The following SLC12A2 variants were observed in gnomAD, a reference collection of about 807,000 sequenced individuals.
SLC12A2 encodes Na-K-2Cl cotransporter 1.
A neutral mutation model predicts 136.3 loss-of-function variants in SLC12A2; 67 were observed. The observed-to-expected ratio is 0.49, with a 90% CI of 0.40 to 0.60. The LOEUF is 0.60. Ranked by LOEUF, SLC12A2 falls within the 20% of genes least tolerant of loss-of-function variation. The probability of loss-of-function intolerance (pLI) is 0.00; values close to 1 mark genes in which losing one functional copy is unlikely to be tolerated. For missense variants in SLC12A2, 1,322 were observed against 1,534.7 expected (o/e 0.86, Z 2.32); for synonymous variants, 619 against 562.9 (o/e 1.10, Z -1.41).
At position 128,114,549 on chromosome 5, in the gene SLC12A2, G is replaced by C. The variant is rs573026275; in HGVS notation, c.953-37G>C. On this transcript the variant is annotated intron_variant, in intron 3 of 26. Transcript: ENST00000262461. ...TAGATACCGATGAGCTTAAACAAGAGTGTAAGTATTCTCATTGTCTTTCTT... is the reference window on the plus strand; with the variant it reads ...TAGATACCGATGAGCTTAAACAAGACTGTAAGTATTCTCATTGTCTTTCTT... 65 of 1,362,334 alleles carry C rather than the reference G, an allele frequency of 4.8e-5. 1 individual carries two copies. In the South Asian group the frequency reaches 6.8e-4, roughly 14 times the overall value. 84.4% of individuals were successfully genotyped at this position (1,362,334 alleles called of 1,614,324 possible).
chr5:128,149,446 G>A (rs1411260757), intron 12 of SLC12A2, among the ~76,000 whole-genome samples: 1 of 151,454 alleles, frequency 6.6e-6, no homozygotes, highest in Non-Finnish European at 1.5e-5. Flanking sequence ...TTCCTTCTAG[G>A]TATGTACCCT....
At chr5:128,183,760 T>A (rs1763782344) in intron 24 of SLC12A2, among the ~76,000 whole-genome samples, 1 of 152,076 alleles carries the variant, frequency 6.6e-6, no homozygotes. Context: ...TTGGGTGTTT[T>A]GAGCAGAGTA....
At position 128,114,297 on chromosome 5, in the gene SLC12A2, G is replaced by A. The variant is rs1761265907; in HGVS notation, c.952+10G>A. Reference sequence around the variant, plus strand: ...GGTCAAGCTGGAATAGGTAAGTGAAGTTATATCCTGCTTGATTTGAGAATA... The same window carrying A: ...GGTCAAGCTGGAATAGGTAAGTGAAATTATATCCTGCTTGATTTGAGAATA... On this transcript the variant is annotated intron_variant, in intron 3 of 26. Transcript: ENST00000262461. The A allele has an allele frequency of 6.3e-6, 10 of 1,599,056 alleles. No homozygotes were observed. Among genetic ancestry groups the A allele is most frequent in the Non-Finnish European group, 7.7e-6 (9 of 1,167,188 alleles).
At chr5:128,113,063 G>A in intron 2 of SLC12A2, 130 bp downstream of exon 2, 1 of 681,744 alleles carries the variant, frequency 1.5e-6, no homozygotes, top group Non-Finnish European at 2.2e-6. Flanking sequence ...GAGTGCTGTG[G>A]AAAACCAAAT....
At chr5:128,142,958 G>A (rs926429167) in intron 10 of SLC12A2, among the ~76,000 whole-genome samples, 1 of 151,958 alleles carries the variant, frequency 6.6e-6, no homozygotes, top group East Asian at 1.9e-4. Context: ...TGAGATTTTG[G>A]TGCCCCTATC....
chr5:128,126,204 A>G (rs1761788590), intron 4 of SLC12A2, among the ~76,000 whole-genome samples: 1 of 152,210 alleles, frequency 6.6e-6, no homozygotes, highest in Non-Finnish European at 1.5e-5. Context: ...CTAAATATAT[A>G]AGGAGCTCAA....
chr5:128,160,548 C>G (rs1259718151), intron 16 of SLC12A2, among the ~76,000 whole-genome samples: 1 of 152,118 alleles, frequency 6.6e-6, no homozygotes, highest in African/African-American at 2.4e-5. Flanking sequence ...TTTCTAAGTT[C>G]AAACACTTAG....
In SLC12A2 at chr5:128,149,986, T is replaced by G. The variant is rs111510697; in HGVS notation, c.2006-11T>G. On this transcript the variant is annotated splice_polypyrimidine_tract_variant and intron_variant, in intron 12 of 26. Transcript: ENST00000262461. ...ATACGTCAGTAAATCTCGCATGTGTTTGTTCTGCAGCTGAACTGAATGTTA... is the reference window on the plus strand; with the variant it reads ...ATACGTCAGTAAATCTCGCATGTGTGTGTTCTGCAGCTGAACTGAATGTTA... 1.9e-6 allele frequency: 3 copies of G among 1,580,770 alleles called. No individual in the cohort carries two copies. Among genetic ancestry groups the G allele is most frequent in the East Asian group, 2.2e-5 (1 of 44,622 alleles).
intron 12 of SLC12A2, 28 bp from the exon 13 acceptor site, chr5:128,149,969 G>A (rs767451875): frequency 3.4e-6 from 5 of 1,458,136 alleles, no homozygotes; most frequent in East Asian, 2.3e-5. Flanking sequence ...TAATACGTCA[G>A]TAAATCTCGC....
chr5:128,182,399 G>T (rs1341934657), intron 23 of SLC12A2, among the ~76,000 whole-genome samples: 8 of 152,048 alleles, frequency 5.3e-5, no homozygotes, highest in African/African-American at 1.9e-4. Context: ...AAAATGCTAT[G>T]AACTTAATCT....
At chr5:128,180,328 T>TG (rs1240159561) in intron 22 of SLC12A2, among the ~76,000 whole-genome samples, 1 of 152,080 alleles carries the variant, frequency 6.6e-6, no homozygotes, top group Non-Finnish European at 1.5e-5. Context: ...TTTATTGTTT[T>TG]GCACTTTCCC....
chr5:128,122,637 T>C (rs980929526), intron 4 of SLC12A2, among the ~76,000 whole-genome samples: 3 of 152,174 alleles, frequency 2.0e-5, no homozygotes, highest in Non-Finnish European at 4.4e-5. Flanking sequence ...TCTGAAATAA[T>C]TGAGTACCTC....
rs539590959 is a variant in SLC12A2 at position 128,101,933 on chromosome 5, T to G, written c.757-10881T>G. The stretch of plus-strand genomic sequence containing the variant: ...GTGATTTCATATTTGTATGCAAAAG[T>G]CCTTTTTTTTAAAGTCTTTTAGAGG... On this transcript the variant is annotated intron_variant, in intron 1 of 26. Coordinates refer to ENST00000262461, the MANE Select transcript of SLC12A2 (RefSeq NM_001046.3). Among the ~76,000 whole-genome samples the G allele has an allele frequency of 9.2e-5, 14 of 152,332 alleles. No homozygotes were observed. The East Asian group carries it at 2.5e-3, about 27-fold the overall frequency.
rs112766239 is a variant in SLC12A2, at chr5:128,141,816, C to T, written c.1622-14C>T. 10 of 1,606,426 alleles carry T rather than the reference C, an allele frequency of 6.2e-6. No homozygotes were observed. The highest frequency in any genetic ancestry group is 5.4e-5 in the African/African-American group (4 of 74,732). On this transcript the variant is annotated splice_polypyrimidine_tract_variant and intron_variant, in intron 9 of 26. Coordinates refer to ENST00000262461, the MANE Select transcript of SLC12A2 (RefSeq NM_001046.3). ...ATATTAACTATATTATTCTTGTTGT[C>T]ACTTGTGCTTTAGGTTCTTGTGTTG...
intron 24 of SLC12A2, among the ~76,000 whole-genome samples, 182 bp downstream of exon 24, chr5:128,183,123 T>G (rs1158246050): frequency 6.6e-6 from 1 of 152,082 alleles, no homozygotes; most frequent in African/African-American, 2.4e-5. Flanking sequence ...CTAAAGAGTT[T>G]TCAATATTCA....
chr5:128,162,140 A>C (rs943987341), intron 17 of SLC12A2, among the ~76,000 whole-genome samples: 16 of 152,320 alleles, frequency 1.1e-4, no homozygotes, highest in African/African-American at 3.6e-4. Flanking sequence ...TGTGTTTCTT[A>C]GAACTTGATA....
Position 128,126,966 on chromosome 5 carries a change from A to ATATATATATATATAATTTT in SLC12A2, c.1049-4100_1049-4099insATATATATATATAATTTTT. Among the ~76,000 whole-genome samples, 12 of 21,160 alleles carry ATATATATATATATAATTTT rather than the reference A, an allele frequency of 5.7e-4. 2 individuals are homozygous for ATATATATATATATAATTTT. The highest frequency in any genetic ancestry group is 2.5e-3 in the African/African-American group (10 of 4,030). The allele number at this position is 21,160 out of a possible 152,430, so 13.9% of individuals were successfully genotyped here. A position where few individuals can be genotyped will look rare whatever the true frequency, so the allele number is the denominator to read the frequency against. ...CATATATATATATATATATATATAT[A>ATATATATATATATAATTTT]TTTTTTTTTTTTTTTTTTTTTGCAT... On this transcript the variant is annotated intron_variant, in intron 4 of 26. Transcript: ENST00000262461.
At chr5:128,171,474 C>A (rs577996447) in intron 18 of SLC12A2, among the ~76,000 whole-genome samples, 193 bp from the exon 19 acceptor site, 2 of 152,262 alleles carry the variant, frequency 1.3e-5, no homozygotes, top group East Asian at 3.9e-4. Flanking sequence ...AAGGGTATTA[C>A]AGAAGAGAAT....
At chr5:128,114,722 T>C (rs780026470) in intron 4 of SLC12A2, 41 bp downstream of exon 4, 1 of 1,177,386 alleles carries the variant, frequency 8.5e-7, no homozygotes, top group South Asian at 1.2e-5. Flanking sequence ...CAGATTACTC[T>C]TACTAAACAG....
Sources: allele counts gnomAD v4.1 joint callset (sites outside exome capture counted in the v4.1 genomes callset), GRCh38; gene constraint gnomAD v4.1.1; transcripts MANE v1.5; gene names NCBI Gene and HGNC (gene_info 2026-07-23, HGNC 2026-07-21).